The following RPS6KC1 variants were observed in gnomAD, a reference collection of about 807,000 sequenced individuals.
RPS6KC1 encodes inactive ribosomal protein S6 kinase delta-1.
Under a neutral mutation model 103.8 loss-of-function variants are expected in RPS6KC1, and 54 were observed. That is an observed-to-expected ratio of 0.52 (90% CI 0.42 to 0.65). The LOEUF (loss-of-function observed/expected upper bound fraction) is 0.65, where lower values mean the gene tolerates loss of function less well. Among genes scored for constraint, RPS6KC1 ranks in the 30% least tolerant of loss-of-function variants. The pLI, the probability that RPS6KC1 is intolerant of heterozygous loss-of-function variation, is 0.00. For synonymous variants in RPS6KC1, 439 were observed against 438.7 expected, an observed-to-expected ratio of 1.00 and a Z score of -0.01; for missense variants, 1,151 against 1,253.8, an observed-to-expected ratio of 0.92 and a Z score of 1.24.
the RPS6KC1 span, among the ~76,000 whole-genome samples, chr1:213,737,561 AAC>A: frequency 1.3e-5 from 2 of 152,340 alleles, no homozygotes; most frequent in East Asian, 3.9e-4. Context: ...TTCAGCATAA[AAC>A]ACAAGCCAGT....
intron 5 of RPS6KC1, 41 bp from the exon 6 acceptor site, chr1:213,129,486 C>G: frequency 6.6e-7 from 1 of 1,523,064 alleles, no homozygotes; most frequent in Non-Finnish European, 8.8e-7. Flanking sequence ...TTGGCTGATT[C>G]TCAATTTAAT....
chr1:213,371,814 G>A, the RPS6KC1 span, among the ~76,000 whole-genome samples: 4 of 152,144 alleles, frequency 2.6e-5, no homozygotes, highest in East Asian at 1.9e-4. Context: ...GTTAGCTGCC[G>A]AGCACACTGA....
chr1:213,766,165 G>A, the RPS6KC1 span, among the ~76,000 whole-genome samples: 1 of 152,108 alleles, frequency 6.6e-6, no homozygotes, highest in Admixed American at 6.5e-5. Flanking sequence ...GTCTTTCTGG[G>A]GATGAAATGG....
the RPS6KC1 span, among the ~76,000 whole-genome samples, chr1:213,442,769 C>A: frequency 2.0e-5 from 3 of 152,172 alleles, no homozygotes. Flanking sequence ...TTCTCGGGAA[C>A]TGCTCTCTCA....
At chr1:213,612,236 C>T in the RPS6KC1 span, among the ~76,000 whole-genome samples, 6 of 152,256 alleles carry the variant, frequency 3.9e-5, no homozygotes, top group Non-Finnish European at 7.3e-5. Context: ...CTGATGCACA[C>T]TCAGGCTTGA....
chr1:213,582,565 T>G, the RPS6KC1 span, among the ~76,000 whole-genome samples: 1 of 152,228 alleles, frequency 6.6e-6, no homozygotes, highest in African/African-American at 2.4e-5. Flanking sequence ...TACCTCTTTG[T>G]TTAAAAAGTT....
the RPS6KC1 span, among the ~76,000 whole-genome samples, chr1:213,738,206 G>T: frequency 2.6e-5 from 4 of 152,142 alleles, no homozygotes; most frequent in Non-Finnish European, 5.9e-5. Context: ...TATAGTCAGG[G>T]TGCGTTGCTG....
At chr1:213,503,562 C>T in the RPS6KC1 span, among the ~76,000 whole-genome samples, 1 of 152,226 alleles carries the variant, frequency 6.6e-6, no homozygotes, top group African/African-American at 2.4e-5. Flanking sequence ...CTTATTCTCA[C>T]ATCATTGTTC....
chr1:213,583,612 G>T, the RPS6KC1 span, among the ~76,000 whole-genome samples: 1 of 152,098 alleles, frequency 6.6e-6, no homozygotes, highest in Admixed American at 6.6e-5. Context: ...CCTGAGGTCA[G>T]GAGTTCGAGA....
chr1:213,575,838 T>C, the RPS6KC1 span, among the ~76,000 whole-genome samples: 663 of 152,282 alleles, frequency 4.4e-3, 5 homozygotes, highest in African/African-American at 0.015. Context: ...AGATAACTCA[T>C]GGAGGAATTT....
At chr1:213,173,976 A>G (rs1446997586) in intron 7 of RPS6KC1, among the ~76,000 whole-genome samples, 1 of 152,226 alleles carries the variant, frequency 6.6e-6, no homozygotes, top group Non-Finnish European at 1.5e-5. Flanking sequence ...TAAATAGGAG[A>G]TAGGGATGTT....
At chr1:213,828,212 C>T in the RPS6KC1 span, among the ~76,000 whole-genome samples, 1 of 152,094 alleles carries the variant, frequency 6.6e-6, no homozygotes, top group Non-Finnish European at 1.5e-5. Flanking sequence ...GAGTGGGGTC[C>T]ACACTCACAT....
the RPS6KC1 span, among the ~76,000 whole-genome samples, chr1:213,511,949 C>T: frequency 6.6e-6 from 1 of 152,140 alleles, no homozygotes; most frequent in Non-Finnish European, 1.5e-5. Flanking sequence ...CCCATTTGTT[C>T]TCTGATGGAT....
the RPS6KC1 span, among the ~76,000 whole-genome samples, chr1:213,841,844 C>T: frequency 5.9e-5 from 9 of 152,290 alleles, no homozygotes; most frequent in South Asian, 2.1e-4. Flanking sequence ...TCATCAGTGC[C>T]GTCCAAATCA....
chr1:213,748,728 T>C, the RPS6KC1 span, among the ~76,000 whole-genome samples: 5 of 152,364 alleles, frequency 3.3e-5, no homozygotes, highest in African/African-American at 1.2e-4. Flanking sequence ...TCTGTTTTTC[T>C]AATAACATCA....
the RPS6KC1 span, among the ~76,000 whole-genome samples, chr1:213,470,625 T>G: frequency 6.1e-5 from 9 of 147,904 alleles, no homozygotes; most frequent in Admixed American, 1.3e-4. Flanking sequence ...TTTTTTTTTT[T>G]TTTTTTTTTT....
At chr1:213,537,626 A>G in the RPS6KC1 span, among the ~76,000 whole-genome samples, 1 of 152,056 alleles carries the variant, frequency 6.6e-6, no homozygotes, top group South Asian at 2.1e-4. Flanking sequence ...TAGAGTCCCA[A>G]GTGAGCTTCT....
At chr1:213,767,719 T>C in the RPS6KC1 span, among the ~76,000 whole-genome samples, 2 of 152,214 alleles carry the variant, frequency 1.3e-5, no homozygotes, top group African/African-American at 4.8e-5. Flanking sequence ...TAAATGCTAC[T>C]TAATTTCAGC....
At chr1:213,078,329 C>A (rs2079539835) in intron 3 of RPS6KC1, among the ~76,000 whole-genome samples, 1 of 151,114 alleles carries the variant, frequency 6.6e-6, no homozygotes, top group African/African-American at 2.4e-5. Context: ...AGTTTCTGTC[C>A]CCTGTCTGGA....
Sources: gnomAD v4.1 joint callset for allele counts (sites outside exome capture counted in the v4.1 genomes callset) on GRCh38, gnomAD v4.1.1 for gene constraint, MANE v1.5 for transcripts, NCBI Gene and HGNC (gene_info 2026-07-23, HGNC 2026-07-21) for gene names.